The following CACNA2D3 variants were observed in gnomAD, a reference collection of about 807,000 sequenced individuals.
The protein encoded by CACNA2D3 is calcium voltage-gated channel auxiliary subunit alpha2delta 3.
In CACNA2D3, 60 loss-of-function variants were observed where a neutral mutation model predicts 160.6. That is an observed-to-expected ratio of 0.37 (90% CI 0.30 to 0.46). The LOEUF (loss-of-function observed/expected upper bound fraction) is 0.46, where lower values mean the gene tolerates loss of function less well. Among genes scored for constraint, CACNA2D3 ranks in the 20% least tolerant of loss-of-function variants. The pLI, the probability that CACNA2D3 is intolerant of heterozygous loss-of-function variation, is 1.00. For missense variants in CACNA2D3, 1,205 were observed against 1,365.0 expected (o/e 0.88, Z 1.85); for synonymous variants, 558 against 492.9 (o/e 1.13, Z -1.75).
At chr3:54,717,865 C>A (rs1487689809) in intron 11 of CACNA2D3, among the ~76,000 whole-genome samples, 4 of 130,360 alleles carry the variant, frequency 3.1e-5, no homozygotes, top group Admixed American at 3.1e-4. Flanking sequence ...TATGTGCGTG[C>A]GTGTGTGTGG....
intron 11 of CACNA2D3, among the ~76,000 whole-genome samples, chr3:54,672,007 G>A (rs1353110123): frequency 6.6e-6 from 1 of 152,120 alleles, no homozygotes; most frequent in African/African-American, 2.4e-5. Context: ...GGATTCTCCA[G>A]GTGTACTCTG....
At chr3:54,902,500 C>T (rs929056382) in intron 27 of CACNA2D3, among the ~76,000 whole-genome samples, 1 of 152,138 alleles carries the variant, frequency 6.6e-6, no homozygotes, top group African/African-American at 2.4e-5. Flanking sequence ...TACAGTCCTT[C>T]TCTTGAGAAG....
intron 4 of CACNA2D3, among the ~76,000 whole-genome samples, chr3:54,419,659 A>G (rs1575445077): frequency 6.6e-6 from 1 of 152,198 alleles, no homozygotes; most frequent in East Asian, 1.9e-4. Flanking sequence ...TAGGGCAGGT[A>G]GTCTGAGAAA....
rs1240129225 is a variant in CACNA2D3, at chr3:54,967,321, AATG to A, written c.2450-1126_2450-1124del. ...TCCAAGTTCCTGAAGCCAGCACAAC[AATG>A]ATTACCCAAATGGGAGGTCCAGTAT... On this transcript the variant is annotated intron_variant, in intron 27 of 37. Coordinates refer to ENST00000474759, the MANE Select transcript of CACNA2D3 (RefSeq NM_018398.3). 3.3e-5 allele frequency among the ~76,000 whole-genome samples: 5 copies of A among 152,316 alleles called. No homozygotes were observed. In the East Asian group the frequency reaches 7.7e-4, roughly 23 times the overall value.
chr3:54,293,258 A>G (rs1703251901), intron 2 of CACNA2D3, among the ~76,000 whole-genome samples: 1 of 151,972 alleles, frequency 6.6e-6, no homozygotes, highest in Non-Finnish European at 1.5e-5. Flanking sequence ...TTACATGAAT[A>G]AGTTCTTTAG....
intron 33 of CACNA2D3, among the ~76,000 whole-genome samples, chr3:55,008,925 A>G (rs1483465113): frequency 6.7e-6 from 1 of 149,146 alleles, no homozygotes; most frequent in Non-Finnish European, 1.5e-5. Context: ...ACACACACAC[A>G]GGGGGCTTAA....
rs148944936 is a variant in CACNA2D3 at position 54,789,945 on chromosome 3, C to A, written c.1380+25594C>A. On this transcript the variant is annotated intron_variant, in intron 13 of 37. Transcript: ENST00000474759. ...TTTTGAGATTCACCCTCTGTGTTCT[C>A]CCAAAGAATTGCAATATGGAGCTAT... 1,338 of 470,136 alleles carry A rather than the reference C, an allele frequency of 2.8e-3. 3 individuals carry two copies. Among genetic ancestry groups the A allele is most frequent in the African/African-American group, 4.0e-3 (205 of 50,790 alleles). The allele number at this position is 470,136 out of a possible 1,614,324, so 29.1% of individuals were successfully genotyped here.
intron 3 of CACNA2D3, among the ~76,000 whole-genome samples, chr3:54,321,886 C>T (rs1220958842): frequency 8.2e-6 from 1 of 121,792 alleles, no homozygotes; most frequent in Non-Finnish European, 1.6e-5. Flanking sequence ...GCTCCAGCGA[C>T]AGTGGTGTGC....
intron 2 of CACNA2D3, among the ~76,000 whole-genome samples, chr3:54,238,114 A>T (rs547520266): frequency 6.6e-6 from 1 of 152,194 alleles, no homozygotes; most frequent in Non-Finnish European, 1.5e-5. Context: ...CTTTGCATTC[A>T]TCAGACTTGC....
chr3:54,513,392 T>G (rs1199932612), intron 5 of CACNA2D3, among the ~76,000 whole-genome samples: 1 of 152,132 alleles, frequency 6.6e-6, no homozygotes, highest in Non-Finnish European at 1.5e-5. Context: ...CAGGTAACAT[T>G]TTTGTGGTGC....
chr3:54,496,140 T>G (rs559823299), intron 4 of CACNA2D3, among the ~76,000 whole-genome samples: 9 of 152,232 alleles, frequency 5.9e-5, no homozygotes, highest in South Asian at 4.1e-4. Context: ...TGTGGGCATA[T>G]ATTCTCATTT....
intron 2 of CACNA2D3, among the ~76,000 whole-genome samples, chr3:54,224,911 C>T (rs11924650): frequency 0.29 from 42,965 of 147,814 alleles, 6,537 homozygotes; most frequent in East Asian, 0.44. Flanking sequence ...CTTAGATTCC[C>T]GAAGCTTCCT....
rs1226564499 is a variant in CACNA2D3, at chr3:55,041,969, T to A, written c.2987+23652T>A. ...TATTTTTAAAGAATTTCTAGATACC[T>A]TAATATGTTTTATTCCTACTTCAAC... On this transcript the variant is annotated intron_variant, in intron 35 of 37. Coordinates refer to ENST00000474759, the MANE Select transcript of CACNA2D3 (RefSeq NM_018398.3). 2.6e-5 allele frequency among the ~76,000 whole-genome samples: 4 copies of A among 152,166 alleles called. No individual in the cohort carries two copies. In the East Asian group the frequency reaches 7.7e-4, roughly 29 times the overall value.
intron 35 of CACNA2D3, among the ~76,000 whole-genome samples, chr3:55,067,613 C>G (rs777211183): frequency 1.7e-4 from 26 of 152,128 alleles, no homozygotes; most frequent in African/African-American, 5.6e-4. Flanking sequence ...GTTCAAGTGT[C>G]CCTTGACAGT....
intron 15 of CACNA2D3, among the ~76,000 whole-genome samples, chr3:54,837,716 C>A (rs1698726171): frequency 6.6e-6 from 1 of 152,118 alleles, no homozygotes; most frequent in African/African-American, 2.4e-5. Context: ...CTTCTCGGGG[C>A]CCCCAGCATT....
chr3:54,534,872 A>G (rs1701863030), intron 5 of CACNA2D3, among the ~76,000 whole-genome samples: 1 of 152,172 alleles, frequency 6.6e-6, no homozygotes, highest in African/African-American at 2.4e-5. Context: ...GGCTGCAGTG[A>G]GCTGAGATTG....
chr3:54,223,136 G>A (rs1391632209), intron 2 of CACNA2D3, among the ~76,000 whole-genome samples: 1 of 152,050 alleles, frequency 6.6e-6, no homozygotes, highest in Non-Finnish European at 1.5e-5. Context: ...CTAGTTTAAG[G>A]TACTTTACTG....
At chr3:54,808,111 T>C (rs1478730319) in intron 13 of CACNA2D3, among the ~76,000 whole-genome samples, 2 of 148,414 alleles carry the variant, frequency 1.3e-5, no homozygotes, top group Non-Finnish European at 3.0e-5. Context: ...TGCTAAATGA[T>C]GAGTTAATGG....
At chr3:54,618,987 C>G (rs889837427) in intron 9 of CACNA2D3, among the ~76,000 whole-genome samples, 6 of 152,200 alleles carry the variant, frequency 3.9e-5, no homozygotes, top group Non-Finnish European at 8.8e-5. Flanking sequence ...TGAATCAAGT[C>G]AAGATTTTCA....
Sources: gnomAD v4.1 joint callset for allele counts (sites outside exome capture counted in the v4.1 genomes callset) on GRCh38, gnomAD v4.1.1 for gene constraint, MANE v1.5 for transcripts, NCBI Gene and HGNC (gene_info 2026-07-23, HGNC 2026-07-21) for gene names.